Variants in IMMP2L observed in about 807,000 individuals in gnomAD.
IMMP2L encodes inner mitochondrial membrane peptidase subunit 2.
Under a neutral mutation model 19.3 loss-of-function variants are expected in IMMP2L, and 18 were observed. The ratio of observed to expected loss-of-function variants is 0.93; its 90% CI spans 0.64 to 1.38. The LOEUF (loss-of-function observed/expected upper bound fraction) is 1.38, where lower values mean the gene tolerates loss of function less well. IMMP2L is among the 40% of genes most tolerant of loss of function. IMMP2L has a pLI of 0.00. For synonymous variants in IMMP2L, 76 were observed against 73.0 expected (o/e 1.04, Z -0.21); for missense variants, 233 against 218.2 (o/e 1.07, Z -0.43).
chr7:111,026,300 T>C (rs1334409996), intron 3 of IMMP2L, among the ~76,000 whole-genome samples: 2 of 152,146 alleles, frequency 1.3e-5, no homozygotes, highest in East Asian at 1.9e-4. Context: ...GTTAATGATA[T>C]CTTTTTGCTC....
At chr7:111,535,283 AAAC>A in intron 1 of IMMP2L, among the ~76,000 whole-genome samples, 1 of 152,128 alleles carries the variant, frequency 6.6e-6, no homozygotes. Flanking sequence ...AAGAAACAAA[AAAC>A]AAAAAAAGGA....
chr7:111,337,715 G>T (rs533305540), intron 3 of IMMP2L, among the ~76,000 whole-genome samples: 84 of 152,124 alleles, frequency 5.5e-4, no homozygotes, highest in African/African-American at 1.9e-3. Context: ...ACAAATAAAT[G>T]AATCAACCAT....
chr7:110,918,851 T>G (rs1813935361), intron 4 of IMMP2L, among the ~76,000 whole-genome samples: 1 of 152,322 alleles, frequency 6.6e-6, no homozygotes, highest in Non-Finnish European at 1.5e-5. Context: ...ATTAAGAAAA[T>G]AAGTCTTTAT....
intron 3 of IMMP2L, among the ~76,000 whole-genome samples, chr7:111,052,550 A>G (rs1793096693): frequency 6.6e-6 from 1 of 152,154 alleles, no homozygotes; most frequent in South Asian, 2.1e-4. Context: ...TCCAGGCTGA[A>G]CCAATGTATA....
intron 5 of IMMP2L, among the ~76,000 whole-genome samples, chr7:110,755,604 G>A (rs772739793): frequency 3.9e-5 from 6 of 152,232 alleles, no homozygotes; most frequent in South Asian, 2.1e-4. Context: ...TTCTCTGAAT[G>A]AGCTTTAGCG....
intron 5 of IMMP2L, among the ~76,000 whole-genome samples, chr7:110,843,895 G>A (rs573724696): frequency 6.6e-6 from 1 of 152,250 alleles, no homozygotes; most frequent in Admixed American, 6.5e-5. Context: ...GGCCAGGGTG[G>A]CTAAGGCAGG....
intron 5 of IMMP2L, among the ~76,000 whole-genome samples, chr7:110,704,187 T>G (rs1186689140): frequency 6.6e-6 from 1 of 150,738 alleles, no homozygotes; most frequent in Non-Finnish European, 1.5e-5. Context: ...TTTTATAATT[T>G]CTAAGGAAAA....
chr7:111,090,380 A>T (rs768987942), intron 3 of IMMP2L, among the ~76,000 whole-genome samples: 6 of 152,140 alleles, frequency 3.9e-5, no homozygotes, highest in Non-Finnish European at 5.9e-5. Context: ...TAAAAAATAC[A>T]TCCTAAATAC....
chr7:111,382,005 G>A (rs1005639154), intron 3 of IMMP2L, among the ~76,000 whole-genome samples: 1 of 151,888 alleles, frequency 6.6e-6, no homozygotes, highest in Non-Finnish European at 1.5e-5. Flanking sequence ...AAATGTCTGG[G>A]AAGCAATTGG....
chr7:110,680,099 A>G (rs1792604341), intron 5 of IMMP2L, among the ~76,000 whole-genome samples: 1 of 152,188 alleles, frequency 6.6e-6, no homozygotes, highest in African/African-American at 2.4e-5. Flanking sequence ...TTTGGTGAAT[A>G]TTATTTTGCA....
intron 3 of IMMP2L, among the ~76,000 whole-genome samples, chr7:111,198,896 T>C (rs187563213): frequency 2.0e-5 from 3 of 152,252 alleles, no homozygotes; most frequent in East Asian, 3.9e-4. Context: ...AAACTACCAA[T>C]TGAATTGAAT....
intron 3 of IMMP2L, among the ~76,000 whole-genome samples, chr7:110,964,088 GAGA>G (rs988320730): frequency 9.9e-5 from 15 of 151,960 alleles, no homozygotes; most frequent in African/African-American, 3.6e-4. Flanking sequence ...CTGCCGCCAT[GAGA>G]AGATGTGCCT....
chr7:110,910,081 T>C (rs746414622), intron 4 of IMMP2L, among the ~76,000 whole-genome samples: 1 of 152,116 alleles, frequency 6.6e-6, no homozygotes, highest in Non-Finnish European at 1.5e-5. Flanking sequence ...AGGCTAGACA[T>C]GATAGGCCAT....
intron 3 of IMMP2L, among the ~76,000 whole-genome samples, chr7:111,061,513 G>A (rs140408992): frequency 5.7e-4 from 86 of 152,150 alleles, no homozygotes; most frequent in Admixed American, 4.4e-3. Context: ...GGGTGGCCAG[G>A]GGTAATTAAT....
intron 5 of IMMP2L, among the ~76,000 whole-genome samples, chr7:110,744,128 A>G (rs1352593881): frequency 6.6e-6 from 1 of 152,134 alleles, no homozygotes; most frequent in East Asian, 1.9e-4. Context: ...CTCACAGTGT[A>G]AACAAAGCCA....
intron 3 of IMMP2L, among the ~76,000 whole-genome samples, chr7:111,459,495 C>A (rs1281539095): frequency 6.6e-6 from 1 of 152,200 alleles, no homozygotes; most frequent in South Asian, 2.1e-4. Context: ...AAAGTACTTA[C>A]AAATGATAAA....
intron 3 of IMMP2L, among the ~76,000 whole-genome samples, chr7:111,181,922 A>G (rs1255160321): frequency 1.3e-5 from 2 of 152,054 alleles, no homozygotes; most frequent in African/African-American, 4.8e-5. Context: ...CCTTGCTTAC[A>G]TATAGAACAA....
At chr7:111,087,451 A>C (rs1414226838) in intron 3 of IMMP2L, among the ~76,000 whole-genome samples, 1 of 151,552 alleles carries the variant, frequency 6.6e-6, no homozygotes, top group Non-Finnish European at 1.5e-5. Context: ...TCCATCTTAA[A>C]AAAAGAAAAA....
At chr7:111,462,149 G>C (rs1424561618) in intron 3 of IMMP2L, among the ~76,000 whole-genome samples, 1 of 151,666 alleles carries the variant, frequency 6.6e-6, no homozygotes, top group Admixed American at 6.6e-5. Context: ...ATCAACCAAA[G>C]TAAGACTCAA....
Sources: gnomAD v4.1 joint callset for allele counts (sites outside exome capture counted in the v4.1 genomes callset) on GRCh38, gnomAD v4.1.1 for gene constraint, MANE v1.5 for transcripts, NCBI Gene and HGNC (gene_info 2026-07-23, HGNC 2026-07-21) for gene names.